SLCO3A1: variants seen among roughly 807,000 people sequenced by gnomAD.
SLCO3A1 encodes the protein PGE1 transporter.
Under a neutral mutation model 63.1 loss-of-function variants are expected in SLCO3A1, and 27 were observed. That is an observed-to-expected ratio of 0.43 (90% CI 0.32 to 0.59). The LOEUF (loss-of-function observed/expected upper bound fraction) is 0.59, where lower values mean the gene tolerates loss of function less well. SLCO3A1 is among the 20% of genes least tolerant of loss of function. The probability of loss-of-function intolerance (pLI) is 0.09; values close to 1 mark genes in which losing one functional copy is unlikely to be tolerated. For synonymous variants in SLCO3A1, 473 were observed against 409.9 expected, an observed-to-expected ratio of 1.15 and a Z score of -1.86; for missense variants, 773 against 945.8, an observed-to-expected ratio of 0.82 and a Z score of 2.40.
At chr15:92,113,304 A>G (rs1043580955) in intron 4 of SLCO3A1, among the ~76,000 whole-genome samples, 4 of 151,950 alleles carry the variant, frequency 2.6e-5, no homozygotes, top group Non-Finnish European at 4.4e-5. Flanking sequence ...AAACTGGCTA[A>G]TGGGCAGCCA....
At chr15:91,926,455 C>T (rs760264323) in intron 2 of SLCO3A1, among the ~76,000 whole-genome samples, 13 of 151,722 alleles carry the variant, frequency 8.6e-5, no homozygotes, top group Non-Finnish European at 1.8e-4. Flanking sequence ...GCCAAAGGTA[C>T]CTTAACTCCC....
intron 2 of SLCO3A1, among the ~76,000 whole-genome samples, chr15:91,922,676 G>C (rs1898889452): frequency 6.6e-6 from 1 of 152,168 alleles, no homozygotes; most frequent in Non-Finnish European, 1.5e-5. Context: ...AAGTTCATCT[G>C]AAAAAATAAT....
chr15:92,030,357 G>T (rs1446011403), intron 2 of SLCO3A1, among the ~76,000 whole-genome samples: 2 of 152,168 alleles, frequency 1.3e-5, no homozygotes, highest in African/African-American at 4.8e-5. Flanking sequence ...GACTCTTCTT[G>T]CTTTGCGGGG....
chr15:91,951,788 C>T (rs796869776), intron 2 of SLCO3A1, among the ~76,000 whole-genome samples: 7 of 152,256 alleles, frequency 4.6e-5, no homozygotes, highest in African/African-American at 1.7e-4. Context: ...CTCCTGACCT[C>T]AAGTGATCTG....
Position 91,916,816 on chromosome 15 carries a change from A to G in SLCO3A1, c.646+358A>G, listed in dbSNP as rs558876632. Among the ~76,000 whole-genome samples the G allele has an allele frequency of 3.9e-5, 6 of 152,276 alleles. No homozygotes were observed. The highest frequency in any genetic ancestry group is 1.3e-4 in the Admixed American group (2 of 15,302). ...ACCAAGGTATACTTGGGGTCTACAC[A>G]TTGGAAACTCCAGCTTTGAAGAATC... On this transcript the variant is annotated intron_variant, in intron 2 of 9. Transcript: ENST00000318445. This position sits in a 1 kb window ranked among gnomAD's most constrained non-coding sequence, Gnocchi z 6.2.
At chr15:92,132,751 G>A (rs1431289518) in intron 7 of SLCO3A1, among the ~76,000 whole-genome samples, 1 of 145,154 alleles carries the variant, frequency 6.9e-6, no homozygotes, top group Non-Finnish European at 1.5e-5. Context: ...AATATTTATT[G>A]AGCACCTGTT....
At chr15:92,011,530 CT>C (rs2046368840) in intron 2 of SLCO3A1, among the ~76,000 whole-genome samples, 1 of 152,096 alleles carries the variant, frequency 6.6e-6, no homozygotes, top group Non-Finnish European at 1.5e-5. Flanking sequence ...AAAATTCCAT[CT>C]TATCAGAGAG....
intron 5 of SLCO3A1, 72 bp from the exon 6 acceptor site, chr15:92,125,989 C>A: frequency 7.4e-7 from 1 of 1,356,908 alleles, no homozygotes; most frequent in South Asian, 1.2e-5. Flanking sequence ...AGCCTCAGGC[C>A]TGCTGCCCGC....
At chr15:92,014,123 GTCTC>G (rs1375530863) in intron 2 of SLCO3A1, among the ~76,000 whole-genome samples, 1 of 152,112 alleles carries the variant, frequency 6.6e-6, no homozygotes, top group Non-Finnish European at 1.5e-5. Flanking sequence ...ATTTTCCTTT[GTCTC>G]GGCTGGCACC....
intron 3 of SLCO3A1, 102 bp downstream of exon 3, chr15:92,095,081 A>G (rs984734793): frequency 7.7e-6 from 6 of 776,994 alleles, no homozygotes; most frequent in Non-Finnish European, 1.4e-5. Context: ...GCTAAGAGAC[A>G]GTCTTGATGC....
chr15:92,101,038 G>A (rs995708943), intron 3 of SLCO3A1, among the ~76,000 whole-genome samples: 1 of 152,112 alleles, frequency 6.6e-6, no homozygotes, highest in Non-Finnish European at 1.5e-5. Context: ...TGTCCTCAGA[G>A]GAAGAGGATC....
chr15:91,965,237 C>T (rs1011505953), intron 2 of SLCO3A1, among the ~76,000 whole-genome samples: 12 of 152,204 alleles, frequency 7.9e-5, no homozygotes, highest in Non-Finnish European at 1.6e-4. Flanking sequence ...TCTCCCACCA[C>T]CAGCATCCCA....
intron 2 of SLCO3A1, among the ~76,000 whole-genome samples, chr15:91,974,561 G>A (rs1901021767): frequency 6.6e-6 from 1 of 151,618 alleles, no homozygotes; most frequent in Admixed American, 6.6e-5. Flanking sequence ...GGTAAAAGGT[G>A]CCAGCGGGCA....
intron 4 of SLCO3A1, among the ~76,000 whole-genome samples, chr15:92,113,380 T>G (rs2047753321): frequency 1.3e-5 from 2 of 152,082 alleles, no homozygotes; most frequent in African/African-American, 2.4e-5. Context: ...AAGGAATCAA[T>G]AGAATTGATG....
At chr15:91,944,002 C>T (rs945799979) in intron 2 of SLCO3A1, among the ~76,000 whole-genome samples, 2 of 152,194 alleles carry the variant, frequency 1.3e-5, no homozygotes, top group African/African-American at 4.8e-5. Context: ...AGCTGCTCTT[C>T]ATTGGAAACT....
chr15:91,997,489 A>G (rs1009721407), intron 2 of SLCO3A1, among the ~76,000 whole-genome samples: 3 of 152,240 alleles, frequency 2.0e-5, no homozygotes, highest in African/African-American at 7.2e-5. Flanking sequence ...CATTTTTCAC[A>G]GAAGTAGAAA....
Position 91,853,882 on chromosome 15 carries a change from G to A in SLCO3A1, c.-27G>A, listed in dbSNP as rs1242432347. 11 of 1,175,036 alleles carry A rather than the reference G, an allele frequency of 9.4e-6. No individual in the cohort carries two copies. The highest frequency in any genetic ancestry group is 4.5e-5 in the South Asian group (2 of 44,372). 72.8% of individuals were successfully genotyped at this position (1,175,036 alleles called of 1,614,324 possible). On this transcript the variant is annotated 5_prime_UTR_variant, in exon 1 of 10. Transcript: ENST00000318445. ...GGGCGAGCGGGAAAGCGGCAGCGGC[G>A]GCGGCGGCGGCGGCGGCGGGGGAAG... is the stretch of plus-strand genomic sequence containing the variant.
intron 10 of SLCO3A1, chr15:92,171,622 C>G: frequency 1.6e-6 from 1 of 607,062 alleles, no homozygotes; most frequent in Non-Finnish European, 2.9e-6. Flanking sequence ...CTTGGGGTTA[C>G]ATGGAATGAA....
chr15:91,928,711 G>C (rs1899119517), intron 2 of SLCO3A1, among the ~76,000 whole-genome samples: 1 of 152,196 alleles, frequency 6.6e-6, no homozygotes. Context: ...GATGGGTCTG[G>C]GGTATTCAGG....
Sources: gnomAD v4.1 joint callset for allele counts (sites outside exome capture counted in the v4.1 genomes callset) on GRCh38, gnomAD v4.1.1 for gene constraint, Gnocchi (gnomAD v3.1) non-coding constraint, MANE v1.5 for transcripts, NCBI Gene and HGNC (gene_info 2026-07-23, HGNC 2026-07-21) for gene names.